Variants in SKAP1 observed in about 807,000 individuals in gnomAD.
SKAP1 encodes src kinase associated phosphoprotein 1, also known as src kinase-associated phosphoprotein 1.
SKAP1 carries 44 observed loss-of-function variants against 58.5 expected under a neutral mutation model. The ratio of observed to expected loss-of-function variants is 0.75; its 90% CI spans 0.59 to 0.97. SKAP1 has a LOEUF of 0.97. SKAP1 is among the 50% of genes least tolerant of loss of function. The pLI, the probability that SKAP1 is intolerant of heterozygous loss-of-function variation, is 0.00. For missense variants in SKAP1, 390 were observed against 435.2 expected, an observed-to-expected ratio of 0.90 and a Z score of 0.92; for synonymous variants, 127 against 149.7, an observed-to-expected ratio of 0.85 and a Z score of 1.11.
chr17:48,137,615 T>C (rs769875818), intron 11 of SKAP1, among the ~76,000 whole-genome samples: 8 of 152,208 alleles, frequency 5.3e-5, no homozygotes, highest in African/African-American at 9.7e-5. Context: ...CCAAGCCGAA[T>C]GGTATGGCTT....
chr17:48,382,153 G>A (rs2067222291), intron 2 of SKAP1, among the ~76,000 whole-genome samples: 1 of 149,500 alleles, frequency 6.7e-6, no homozygotes, highest in African/African-American at 2.5e-5. Flanking sequence ...GTATGTGTGT[G>A]ATGAATGTTA....
At chr17:48,384,905 T>G (rs548649401) in intron 2 of SKAP1, among the ~76,000 whole-genome samples, 10 of 152,066 alleles carry the variant, frequency 6.6e-5, no homozygotes, top group African/African-American at 2.4e-4. Context: ...TGTGGAGCTA[T>G]GGACATGCAT....
chr17:48,252,942 T>A (rs111473495), intron 4 of SKAP1, among the ~76,000 whole-genome samples: 2 of 151,610 alleles, frequency 1.3e-5, no homozygotes, highest in Non-Finnish European at 2.9e-5. Flanking sequence ...ATAGTAAGAG[T>A]TGTATTTGCT....
intron 4 of SKAP1, among the ~76,000 whole-genome samples, chr17:48,245,873 G>A (rs1395701823): frequency 6.6e-6 from 1 of 152,126 alleles, no homozygotes; most frequent in East Asian, 1.9e-4. Context: ...TACTCAAGAG[G>A]CTGAGGCAGG....
intron 1 of SKAP1, among the ~76,000 whole-genome samples, chr17:48,426,041 TAAG>T (rs1477464416): frequency 1.3e-5 from 2 of 152,154 alleles, no homozygotes; most frequent in Non-Finnish European, 2.9e-5. Flanking sequence ...CAAATATTTA[TAAG>T]AAGAAGAAAA....
intron 9 of SKAP1, among the ~76,000 whole-genome samples, chr17:48,179,293 C>G (rs1292103641): frequency 2.6e-5 from 4 of 152,190 alleles, no homozygotes; most frequent in African/African-American, 9.6e-5. Flanking sequence ...TGTGGTCTAA[C>G]TACTTCACAA....
intron 4 of SKAP1, among the ~76,000 whole-genome samples, chr17:48,317,928 T>A (rs1436842306): frequency 1.3e-5 from 2 of 151,770 alleles, no homozygotes; most frequent in Admixed American, 6.6e-5. Context: ...AAGAAAAAAA[T>A]GCAATCAACA....
chr17:48,282,161 T>C (rs2065774889), intron 4 of SKAP1, among the ~76,000 whole-genome samples: 1 of 152,256 alleles, frequency 6.6e-6, no homozygotes, highest in South Asian at 2.1e-4. Flanking sequence ...TATGCCTTTC[T>C]GTTTCATTTT....
chr17:48,413,524 ATAT>A (rs1227717899), intron 1 of SKAP1, among the ~76,000 whole-genome samples: 1 of 117,336 alleles, frequency 8.5e-6, no homozygotes. Flanking sequence ...CAAAAAAAAA[ATAT>A]ATATATATAT....
At chr17:48,371,534 T>C (rs1166276141) in intron 2 of SKAP1, among the ~76,000 whole-genome samples, 1 of 151,394 alleles carries the variant, frequency 6.6e-6, no homozygotes, top group Non-Finnish European at 1.5e-5. Flanking sequence ...TTAGAAATAC[T>C]GGTCAGGTGT....
intron 4 of SKAP1, among the ~76,000 whole-genome samples, chr17:48,301,411 C>T (rs1290063813): frequency 2.0e-5 from 3 of 152,142 alleles, no homozygotes; most frequent in Non-Finnish European, 4.4e-5. Flanking sequence ...TAGCATTATG[C>T]ATTGCACATG....
At chr17:48,377,569 C>G (rs952930134) in intron 2 of SKAP1, among the ~76,000 whole-genome samples, 51 of 141,138 alleles carry the variant, frequency 3.6e-4, no homozygotes, top group Non-Finnish European at 7.2e-4. Context: ...CAGAGCAAGA[C>G]CCTGTCTCAA....
rs899136222 is a variant in SKAP1, at chr17:48,339,970, C to T, written c.280+5935G>A. On this transcript the variant is annotated intron_variant, in intron 4 of 12. Coordinates refer to ENST00000336915, the MANE Select transcript of SKAP1 (RefSeq NM_003726.4). ...GGCTGAGGCGGGTGGATCACGAGGTCGGGAGTTCGAGACCAGCCTGACCAA... is the reference window on the plus strand; with the variant it reads ...GGCTGAGGCGGGTGGATCACGAGGTTGGGAGTTCGAGACCAGCCTGACCAA... Among the ~76,000 whole-genome samples, 24 of 152,150 alleles carry T rather than the reference C, an allele frequency of 1.6e-4. No individual in the cohort carries two copies. In the South Asian group the frequency reaches 1.9e-3, roughly 12 times the overall value.
intron 4 of SKAP1, chr17:48,196,733 C>T (rs993125820): frequency 6.6e-6 from 1 of 152,214 alleles, no homozygotes; most frequent in African/African-American, 2.4e-5. Context: ...AGGGGCCATG[C>T]TAATCTTCTC....
chr17:48,220,821 C>A (rs1428551744), intron 4 of SKAP1, among the ~76,000 whole-genome samples: 1 of 133,510 alleles, frequency 7.5e-6, no homozygotes, highest in East Asian at 2.2e-4. Context: ...CCACTGCACT[C>A]CAGCCTGGGT....
chr17:48,341,512 TA>T (rs1291363994), intron 4 of SKAP1, among the ~76,000 whole-genome samples: 6 of 152,106 alleles, frequency 3.9e-5, no homozygotes, highest in African/African-American at 1.4e-4. Context: ...AATAGCACTG[TA>T]AAAAAAGGGT....
At chr17:48,276,114 G>A (rs183865400) in intron 4 of SKAP1, among the ~76,000 whole-genome samples, 2 of 152,184 alleles carry the variant, frequency 1.3e-5, no homozygotes, top group African/African-American at 4.8e-5. Context: ...GACAGGATTG[G>A]ATCAAGAGAG....
At chr17:48,330,977 T>G (rs1242568523) in intron 4 of SKAP1, among the ~76,000 whole-genome samples, 3 of 152,224 alleles carry the variant, frequency 2.0e-5, no homozygotes, top group Admixed American at 6.5e-5. Context: ...AGTGTAACCT[T>G]AAAACCTCAT....
At chr17:48,407,465 A>C (rs34206844) in intron 1 of SKAP1, among the ~76,000 whole-genome samples, 4,479 of 152,298 alleles carry the variant, frequency 0.029, 243 homozygotes, top group African/African-American at 0.1. Context: ...ATTTAATCAC[A>C]AGTGCTTGGC....
Sources: allele counts gnomAD v4.1 joint callset (sites outside exome capture counted in the v4.1 genomes callset), GRCh38; gene constraint gnomAD v4.1.1; transcripts MANE v1.5; gene names NCBI Gene and HGNC (gene_info 2026-07-23, HGNC 2026-07-21).